Variants in FOXP1 observed in about 807,000 individuals in gnomAD.
FOXP1 encodes the protein forkhead box P1, also known as forkhead box protein P1.
Under a neutral mutation model 98.2 loss-of-function variants are expected in FOXP1, and 15 were observed. The observed-to-expected ratio is 0.15, with a 90% CI of 0.10 to 0.24. FOXP1 has a LOEUF of 0.24. FOXP1 is among the 10% of genes least tolerant of loss of function. The probability of loss-of-function intolerance (pLI) is 1.00; values close to 1 mark genes in which losing one functional copy is unlikely to be tolerated. For missense variants in FOXP1, 633 were observed against 848.5 expected (o/e 0.75, Z 3.15); for synonymous variants, 371 against 314.5 (o/e 1.18, Z -1.90).
intron 2 of FOXP1, among the ~76,000 whole-genome samples, chr3:71,531,820 G>A (rs530027061): frequency 3.9e-5 from 6 of 152,176 alleles, no homozygotes; most frequent in Admixed American, 1.3e-4. Flanking sequence ...CAACTACAGC[G>A]TTCTAGACCC....
intron 3 of FOXP1, among the ~76,000 whole-genome samples, chr3:71,433,448 TC>T (rs1317369074): frequency 6.6e-6 from 1 of 152,174 alleles, no homozygotes; most frequent in Non-Finnish European, 1.5e-5. Flanking sequence ...CTTTACGGGT[TC>T]AACCATGAGA....
intron 12 of FOXP1, among the ~76,000 whole-genome samples, chr3:71,014,786 A>G (rs1267121029): frequency 6.6e-6 from 1 of 152,194 alleles, no homozygotes; most frequent in South Asian, 2.1e-4. Context: ...TGTGGCACAT[A>G]TACACCATGG....
chr3:71,253,398 ACG>A (rs576443301), intron 5 of FOXP1, among the ~76,000 whole-genome samples: 4 of 123,902 alleles, frequency 3.2e-5, no homozygotes, highest in African/African-American at 1.3e-4. Flanking sequence ...GAAATAATAG[ACG>A]TGTTTAACTT....
intron 12 of FOXP1, among the ~76,000 whole-genome samples, chr3:71,011,934 A>G (rs1355620541): frequency 6.6e-6 from 1 of 152,136 alleles, no homozygotes; most frequent in East Asian, 1.9e-4. Context: ...TTAATACGAA[A>G]ATTATTCTCT....
chr3:70,954,926 C>CAT lies in FOXP1; in HGVS notation c.*4319_*4320dup. 4.3e-6 allele frequency: 1 copy of CAT among 232,878 alleles called. No homozygotes were observed. Among genetic ancestry groups the CAT allele is most frequent in the South Asian group, 1.8e-4 (1 of 5,518 alleles). 14.4% of individuals were successfully genotyped at this position (232,878 alleles called of 1,614,324 possible). ...ATTCTTGTTACTGGCAGCACATATACATGAAGCACCATGCTCACAGTCCGG... is the reference window on the plus strand; with the variant it reads ...ATTCTTGTTACTGGCAGCACATATACATATGAAGCACCATGCTCACAGTCCGG... On this transcript the variant is annotated 3_prime_UTR_variant, in exon 21 of 21. Transcript: ENST00000649528.
intron 3 of FOXP1, among the ~76,000 whole-genome samples, chr3:71,386,876 T>C (rs1162641450): frequency 6.6e-6 from 1 of 152,152 alleles, no homozygotes; most frequent in African/African-American, 2.4e-5. Flanking sequence ...TTAATATTAA[T>C]ATTAATTAAT....
chr3:71,335,520 A>C (rs2076610654), intron 4 of FOXP1, among the ~76,000 whole-genome samples: 1 of 152,176 alleles, frequency 6.6e-6, no homozygotes, highest in East Asian at 1.9e-4. Context: ...TAAAGATGTA[A>C]TAAATAGGAG....
intron 3 of FOXP1, among the ~76,000 whole-genome samples, chr3:71,488,685 G>T (rs182895661): frequency 6.6e-6 from 1 of 152,156 alleles, no homozygotes. Context: ...CAAAATAAAC[G>T]CATCGAAAAT....
intron 11 of FOXP1, among the ~76,000 whole-genome samples, chr3:71,020,390 C>T (rs898546759): frequency 1.3e-5 from 2 of 152,180 alleles, no homozygotes; most frequent in Non-Finnish European, 2.9e-5. Context: ...AAGGTCTTCA[C>T]TTCAACACTG....
At chr3:71,039,614 T>G (rs1402034460) in intron 11 of FOXP1, among the ~76,000 whole-genome samples, 2 of 152,148 alleles carry the variant, frequency 1.3e-5, no homozygotes, top group Non-Finnish European at 2.9e-5. Context: ...GTGTATGGCC[T>G]CCTGCTCTGC....
chr3:71,397,088 A>ATATACATACACATATATATGTG (rs1553871660), intron 3 of FOXP1, among the ~76,000 whole-genome samples: 3 of 6,498 alleles, frequency 4.6e-4, no homozygotes, highest in Non-Finnish European at 5.3e-4. Context: ...ATATATGTGT[A>ATATACATACACATATATATGTG]TATATATATA....
chr3:71,571,221 TAAGTTAC>T (rs1254125893), intron 2 of FOXP1: 3 of 152,216 alleles, frequency 2.0e-5, no homozygotes, highest in Non-Finnish European at 4.4e-5. Flanking sequence ...GAAAAGATTC[TAAGTTAC>T]AAGTATTACT....
At chr3:71,158,301 G>A (rs2060951744) in intron 6 of FOXP1, among the ~76,000 whole-genome samples, 1 of 152,042 alleles carries the variant, frequency 6.6e-6, no homozygotes, top group South Asian at 2.1e-4. Flanking sequence ...AATAAAAGTG[G>A]TAACTGCAGA....
At position 70,979,316 on chromosome 3, in the gene FOXP1, A is replaced by AAAAAAAAAAAAAAG. The variant is rs1553670621; in HGVS notation, c.1147-1288_1147-1287insCTTTTTTTTTTTTT. Among the ~76,000 whole-genome samples the AAAAAAAAAAAAAAG allele has an allele frequency of 3.2e-4, 31 of 96,466 alleles. 1 individual carries two copies. Among genetic ancestry groups the AAAAAAAAAAAAAAG allele is most frequent in the African/African-American group, 5.2e-4 (12 of 23,148 alleles). 63.3% of individuals were successfully genotyped at this position (96,466 alleles called of 152,430 possible). On this transcript the variant is annotated intron_variant, in intron 14 of 20. Transcript: ENST00000649528. ...AAAAAAAAAAAAAAAAAAAAAAAAAAAAAAGAAAAAAATAAATTAATGAGC... is the reference window on the plus strand; with the variant it reads ...AAAAAAAAAAAAAAAAAAAAAAAAAAAAAAAAAAAAAAAGAAAAGAAAAAAATAAATTAATGAGC...
intron 3 of FOXP1, among the ~76,000 whole-genome samples, chr3:71,491,354 A>G (rs1231279764): frequency 2.6e-5 from 4 of 152,188 alleles, no homozygotes; most frequent in Non-Finnish European, 5.9e-5. Context: ...CCTGTTCACT[A>G]ATCTACAGAC....
At chr3:71,028,234 G>A (rs1385378175) in intron 11 of FOXP1, among the ~76,000 whole-genome samples, 1 of 152,168 alleles carries the variant, frequency 6.6e-6, no homozygotes, top group Admixed American at 6.5e-5. Flanking sequence ...TCTTGGCTCT[G>A]AAACCTGTAT....
intron 6 of FOXP1, among the ~76,000 whole-genome samples, chr3:71,187,768 C>T (rs2062735304): frequency 6.6e-6 from 1 of 151,902 alleles, no homozygotes. Flanking sequence ...ATGTTGAATT[C>T]CTACTGAGTT....
chr3:71,577,239 A>C (rs1268822187), intron 2 of FOXP1, among the ~76,000 whole-genome samples: 2 of 152,168 alleles, frequency 1.3e-5, no homozygotes, highest in Non-Finnish European at 2.9e-5. Context: ...ACTTTCCCCC[A>C]TTGTACTTCC....
intron 3 of FOXP1, among the ~76,000 whole-genome samples, chr3:71,436,491 C>T (rs1013476071): frequency 2.6e-5 from 4 of 151,622 alleles, no homozygotes; most frequent in Admixed American, 6.6e-5. Flanking sequence ...CCCCATCTAT[C>T]GTCCCTATAA....
Sources: gnomAD v4.1 joint callset for allele counts (sites outside exome capture counted in the v4.1 genomes callset) on GRCh38, gnomAD v4.1.1 for gene constraint, MANE v1.5 for transcripts, NCBI Gene and HGNC (gene_info 2026-07-23, HGNC 2026-07-21) for gene names.